The following CATSPER2 variants were observed in gnomAD, a reference collection of about 807,000 sequenced individuals.
The protein encoded by CATSPER2 is cation channel sperm associated 2, also known as cation channel sperm-associated protein 2.
In CATSPER2, 56 loss-of-function variants were observed where a neutral mutation model predicts 68.8. The ratio of observed to expected loss-of-function variants is 0.81; its 90% CI spans 0.66 to 1.02. The LOEUF (loss-of-function observed/expected upper bound fraction) is 1.02, where lower values mean the gene tolerates loss of function less well. Among genes scored for constraint, CATSPER2 ranks in the 50% least tolerant of loss-of-function variants. The probability of loss-of-function intolerance (pLI) is 0.00; values close to 1 mark genes in which losing one functional copy is unlikely to be tolerated. For synonymous variants in CATSPER2, 198 were observed against 229.9 expected (o/e 0.86, Z 1.26); for missense variants, 582 against 642.0 (o/e 0.91, Z 1.01).
Position 43,648,734 on chromosome 15 carries a change from G to A in CATSPER2, c.-108C>T. ...CCTATGCAAGACGAGCTCAGGGCCG[G>A]CTCCCAGCCTCACTGCGCCCCATTC... On this transcript the variant is annotated 5_prime_UTR_variant, in exon 1 of 13. Transcript: ENST00000396879. 15 of 1,517,650 alleles carry A rather than the reference G, an allele frequency of 9.9e-6. No individual in the cohort carries two copies. The highest frequency in any genetic ancestry group is 1.3e-5 in the Non-Finnish European group (15 of 1,137,398). 94.0% of individuals were successfully genotyped at this position (1,517,650 alleles called of 1,614,324 possible).
intron 4 of CATSPER2, among the ~76,000 whole-genome samples, chr15:43,646,293 C>CTTTT (rs55748592): frequency 2.7e-5 from 4 of 147,108 alleles, no homozygotes; most frequent in African/African-American, 1.0e-4. Context: ...ATTAATATTT[C>CTTTT]TTTTTTTTTT....
Position 43,648,794 on chromosome 15 carries a change from C to CCGGG in CATSPER2, c.-172_-169dup, listed in dbSNP as rs1215500069. 6.5e-7 allele frequency: 1 copy of CCGGG among 1,531,760 alleles called. No individual in the cohort carries two copies. Among genetic ancestry groups the CCGGG allele is most frequent in the Non-Finnish European group, 8.7e-7 (1 of 1,142,938 alleles). 94.9% of individuals were successfully genotyped at this position (1,531,760 alleles called of 1,614,324 possible). ...CTCGACCCCCAGGTTTCGGCTCACC[C>CCGGG]CGGGACCCGGCCCTAGCCCCTACCC... On this transcript the variant is annotated 5_prime_UTR_variant, in exon 1 of 13. Transcript: ENST00000396879.
chr15:43,639,934 T>C, intron 5 of CATSPER2, 136 bp from the exon 6 acceptor site: 1 of 1,564,874 alleles, frequency 6.4e-7, no homozygotes. Flanking sequence ...GTGCTTACTA[T>C]TCAGCCTTTC....
At chr15:43,641,936 G>C (rs757746562) in intron 4 of CATSPER2, among the ~76,000 whole-genome samples, 3 of 151,824 alleles carry the variant, frequency 2.0e-5, no homozygotes, top group African/African-American at 7.3e-5. Flanking sequence ...GGGCTAAAGC[G>C]ATCCGCCCGC....
chr15:43,647,488 G>A lies in CATSPER2; in HGVS notation c.146-21C>T, dbSNP rs144999733. ...AGGATCTACAACAAAAATTAAAAAGGGATAGTGGATAAATACAAACAAAAT... is the reference window on the plus strand; with the variant it reads ...AGGATCTACAACAAAAATTAAAAAGAGATAGTGGATAAATACAAACAAAAT... On this transcript the variant is annotated intron_variant, in intron 2 of 12. Coordinates refer to ENST00000396879, the MANE Select transcript of CATSPER2 (RefSeq NM_172095.4). 205 of 1,609,290 alleles carry A rather than the reference G, an allele frequency of 1.3e-4. 1 individual carries two copies. The African/African-American group carries it at 2.4e-3, about 18-fold the overall frequency.
rs1394686546 is a variant in CATSPER2 at position 43,628,882 on chromosome 15, T to C, written c.*1819A>G. 6.8e-6 allele frequency: 1 copy of C among 146,234 alleles called. No homozygotes were observed. The highest frequency in any genetic ancestry group is 2.7e-5 in the African/African-American group (1 of 37,480). 9.1% of individuals were successfully genotyped at this position (146,234 alleles called of 1,614,324 possible). A position where few individuals can be genotyped will look rare whatever the true frequency, so the allele number is the denominator to read the frequency against. On this transcript the variant is annotated 3_prime_UTR_variant, in exon 13 of 13. Coordinates refer to ENST00000396879, the MANE Select transcript of CATSPER2 (RefSeq NM_172095.4). ...GTACATTTTGTTGAATTTTTACATC[T>C]GTATATACCGGTGTAACCACCATGC...
At position 43,630,842 on chromosome 15, in the gene CATSPER2, C is replaced by T. The variant is rs1319498024; in HGVS notation, c.1562-110G>A. The T allele has an allele frequency of 5.1e-5, 81 of 1,599,512 alleles. 1 individual carries two copies. Among genetic ancestry groups the T allele is most frequent in the East Asian group, 1.1e-4 (5 of 44,448 alleles). ...TTCTAGGTTCCCTCACAAGTCTTTA[C>T]TAATCTTTAAATTAAGCCATATGAT... On this transcript the variant is annotated intron_variant, in intron 12 of 12. Coordinates refer to ENST00000396879, the MANE Select transcript of CATSPER2 (RefSeq NM_172095.4).
intron 7 of CATSPER2, among the ~76,000 whole-genome samples, chr15:43,638,629 T>C (rs924106419): frequency 2.1e-4 from 32 of 151,846 alleles, no homozygotes; most frequent in Non-Finnish European, 2.4e-4. Context: ...AAACCAAGCT[T>C]AACCACTGGA....
chr15:43,632,623 A>G, intron 11 of CATSPER2, 94 bp downstream of exon 11: 2 of 1,600,842 alleles, frequency 1.2e-6, no homozygotes, highest in Non-Finnish European at 8.5e-7. Flanking sequence ...TGGAAAGGAG[A>G]TATACTAGGA....
Position 43,632,216 on chromosome 15 carries a change from T to A in CATSPER2, c.1544A>T (p.Lys515Met). 6.2e-7 allele frequency: 1 copy of A among 1,613,648 alleles called. No homozygotes were observed. The highest frequency in any genetic ancestry group is 8.5e-7 in the Non-Finnish European group (1 of 1,179,730). The change falls in exon 12 of 13, where the codon AAG becomes ATG. Residue 515 changes from lysine (K) to methionine (M), a missense_variant. Physicochemically the swap from Lys to Met is moderately conservative, Grantham distance 95 (BLOSUM62 -1). Transcript: ENST00000396879. Reference sequence around the variant, plus strand: ...CTCCATACCTGCAAACTCTTGTAACTTCTTACGTTCCTCTAGGTTATACTG... The same window carrying A: ...CTCCATACCTGCAAACTCTTGTAACATCTTACGTTCCTCTAGGTTATACTG... ...KLQYNLEERK[K>M]LQEFAVQALM...
In CATSPER2 at chr15:43,632,951, A is replaced by T; in HGVS notation, c.1179-17T>A. The T allele has an allele frequency of 1.3e-6, 2 of 1,572,556 alleles. No homozygotes were observed. Among genetic ancestry groups the T allele is most frequent in the Non-Finnish European group, 1.7e-6 (2 of 1,146,568 alleles). On this transcript the variant is annotated splice_polypyrimidine_tract_variant and intron_variant, in intron 10 of 12. Coordinates refer to ENST00000396879, the MANE Select transcript of CATSPER2 (RefSeq NM_172095.4). ...CCTCTTGAACTTAAAGAAGAAATTTATGGCTTCACAAACATTTACAAGATA... is the reference window on the plus strand; with the variant it reads ...CCTCTTGAACTTAAAGAAGAAATTTTTGGCTTCACAAACATTTACAAGATA...
intron 6 of CATSPER2, chr15:43,639,340 G>A (rs1255215578): frequency 4.3e-6 from 2 of 462,036 alleles, no homozygotes; most frequent in Non-Finnish European, 7.7e-6. Flanking sequence ...CGCCTCCCGG[G>A]TTCAAGTGAT....
At chr15:43,643,183 A>G (rs2086101734) in intron 4 of CATSPER2, among the ~76,000 whole-genome samples, 1 of 151,918 alleles carries the variant, frequency 6.6e-6, no homozygotes, top group Admixed American at 6.6e-5. Context: ...ATACCAGGTA[A>G]ATTCACATTG....
chr15:43,641,451 T>C (rs1219826553), intron 4 of CATSPER2, among the ~76,000 whole-genome samples: 2 of 151,722 alleles, frequency 1.3e-5, no homozygotes, highest in African/African-American at 4.8e-5. Flanking sequence ...CTTAATTCAT[T>C]GCCTTTCTCT....
At chr15:43,643,780 C>G (rs2086112619) in intron 4 of CATSPER2, among the ~76,000 whole-genome samples, 1 of 151,898 alleles carries the variant, frequency 6.6e-6, no homozygotes, top group Non-Finnish European at 1.5e-5. Flanking sequence ...CTTTAAAAGT[C>G]AATGTAAAAA....
chr15:43,640,930 G>A (rs891813303), intron 4 of CATSPER2, among the ~76,000 whole-genome samples: 70 of 151,242 alleles, frequency 4.6e-4, no homozygotes, highest in Non-Finnish European at 8.4e-4. Context: ...ACTTTATAAC[G>A]AATGTAGAAA....
intron 5 of CATSPER2, chr15:43,640,074 G>A: frequency 6.9e-7 from 1 of 1,439,180 alleles, no homozygotes; most frequent in African/African-American, 1.4e-5. Context: ...TTAAAATAAT[G>A]CTTGGCACTT....
intron 7 of CATSPER2, among the ~76,000 whole-genome samples, chr15:43,638,313 G>A (rs1438614224): frequency 1.4e-5 from 1 of 69,484 alleles, no homozygotes; most frequent in African/African-American, 1.2e-4. Flanking sequence ...TTTTTGAGAT[G>A]GAGTATTGCT....
intron 7 of CATSPER2, among the ~76,000 whole-genome samples, chr15:43,636,681 G>T (rs113378083): frequency 6.7e-6 from 1 of 150,220 alleles, no homozygotes; most frequent in African/African-American, 2.5e-5. Flanking sequence ...GTGAGCCACC[G>T]CACCCAGCCT....
Sources: gnomAD v4.1 joint callset for allele counts (sites outside exome capture counted in the v4.1 genomes callset) on GRCh38, gnomAD v4.1.1 for gene constraint, MANE v1.5 for transcripts, NCBI Gene and HGNC (gene_info 2026-07-23, HGNC 2026-07-21) for gene names.